MTA3: variants seen among roughly 807,000 people sequenced by gnomAD.
MTA3 encodes the protein metastasis associated 1 family member 3.
Under a neutral mutation model 83.5 loss-of-function variants are expected in MTA3, and 34 were observed. That is an observed-to-expected ratio of 0.41 (90% confidence interval 0.31 to 0.54). MTA3 has a LOEUF of 0.54. Among genes scored for constraint, MTA3 ranks in the 20% least tolerant of loss-of-function variants. MTA3 has a pLI of 0.33. For missense variants in MTA3, 761 were observed against 726.4 expected (o/e 1.05, Z -0.55); for synonymous variants, 303 against 252.7 (o/e 1.20, Z -1.89).
At chr2:42,656,061 G>T (rs75174757) in intron 6 of MTA3, 139 bp from the exon 7 acceptor site, 6 of 596,758 alleles carry the variant, frequency 1.0e-5, no homozygotes, top group South Asian at 6.7e-5. Flanking sequence ...GTACATCTAC[G>T]TCTGAAAGAA....
chr2:42,709,300 G>T, intron 14 of MTA3: 2 of 1,404,240 alleles, frequency 1.4e-6, no homozygotes, highest in South Asian at 1.6e-5. Flanking sequence ...TCAAAACATT[G>T]AAACTTCTGT....
chr2:42,683,237 A>G (rs1375076808), intron 9 of MTA3, among the ~76,000 whole-genome samples: 3 of 152,186 alleles, frequency 2.0e-5, no homozygotes, highest in East Asian at 3.8e-4. Flanking sequence ...CTCTGCTTTT[A>G]GACTAGTTGC....
intron 3 of MTA3, among the ~76,000 whole-genome samples, chr2:42,594,728 A>ATATT: frequency 5.8e-4 from 14 of 24,044 alleles, no homozygotes; most frequent in African/African-American, 1.8e-3. Flanking sequence ...ATATATATAT[A>ATATT]TTTTTTTTTT....
At chr2:42,735,920 CTCTG>C (rs1406783534) in intron 16 of MTA3, among the ~76,000 whole-genome samples, 1 of 152,168 alleles carries the variant, frequency 6.6e-6, no homozygotes, top group Non-Finnish European at 1.5e-5. Flanking sequence ...ATCTCCATCT[CTCTG>C]GGATTGGTCA....
At chr2:42,691,870 A>G (rs1349065391) in intron 9 of MTA3, among the ~76,000 whole-genome samples, 1 of 152,176 alleles carries the variant, frequency 6.6e-6, no homozygotes, top group African/African-American at 2.4e-5. Context: ...GTTTCCATTG[A>G]GAAGTCTGCT....
chr2:42,697,908 A>C, intron 11 of MTA3, 74 bp downstream of exon 11: 3 of 1,122,414 alleles, frequency 2.7e-6, no homozygotes, highest in Non-Finnish European at 3.7e-6. Flanking sequence ...CATTTTGTTC[A>C]GTTTCAGCAA....
chr2:42,610,079 G>T (rs2104088784), intron 4 of MTA3, among the ~76,000 whole-genome samples: 1 of 152,236 alleles, frequency 6.6e-6, no homozygotes, highest in South Asian at 2.1e-4. Flanking sequence ...CAGCCTGGAT[G>T]ACAGAGTGAC....
chr2:42,532,117 T>G (rs140584885), intron 2 of MTA3, among the ~76,000 whole-genome samples: 4 of 152,338 alleles, frequency 2.6e-5, no homozygotes, highest in African/African-American at 9.6e-5. Flanking sequence ...TTAGCCATAA[T>G]CCAATAGATA....
intron 13 of MTA3, among the ~76,000 whole-genome samples, chr2:42,708,500 A>G (rs1666303082): frequency 6.6e-6 from 1 of 152,196 alleles, no homozygotes; most frequent in Non-Finnish European, 1.5e-5. Context: ...AAATCCTCAT[A>G]GGCTGAAGAT....
intron 2 of MTA3, among the ~76,000 whole-genome samples, chr2:42,503,355 A>T (rs1318663768): frequency 6.6e-6 from 1 of 152,062 alleles, no homozygotes; most frequent in Non-Finnish European, 1.5e-5. Context: ...TTTTGGTGGG[A>T]TTTGGCCAGC....
chr2:42,574,312 A>AGATGGG (rs1678809411), intron 2 of MTA3, among the ~76,000 whole-genome samples: 1 of 150,280 alleles, frequency 6.7e-6, no homozygotes, highest in Non-Finnish European at 1.5e-5. Context: ...TTTTTAGCAG[A>AGATGGG]GATGGGGTTT....
chr2:42,598,129 G>T (rs1392893888), intron 3 of MTA3, among the ~76,000 whole-genome samples: 1 of 151,928 alleles, frequency 6.6e-6, no homozygotes, highest in African/African-American at 2.4e-5. Context: ...CCGGAGTGCA[G>T]TGGCATGATC....
In MTA3 at chr2:42,644,131, C is replaced by G; in HGVS notation, c.386C>G (p.Thr129Ser). Reference sequence around the variant, plus strand: ...GTATTTTGTCATATTTTTCAGGATACCTTCTTCTACTCATTGGTCTATGAC... The same window carrying G: ...GTATTTTGTCATATTTTTCAGGATAGCTTCTTCTACTCATTGGTCTATGAC... The part of the protein sequence containing the change: ...SVLSYLDKED[T>S]FFYSLVYDPS... The change falls in exon 6 of 17, where the codon ACC becomes AGC. Residue 129 changes from threonine to serine, a missense_variant. By Grantham distance (58) the Thr-to-Ser change is moderately conservative. Coordinates refer to ENST00000405094, the MANE Select transcript of MTA3 (RefSeq NM_001330442.2). 6.3e-7 allele frequency: 1 copy of G among 1,586,144 alleles called. No individual in the cohort carries two copies. Among genetic ancestry groups the G allele is most frequent in the Non-Finnish European group, 8.6e-7 (1 of 1,165,412 alleles).
At chr2:42,705,881 A>G (rs980112898) in intron 12 of MTA3, among the ~76,000 whole-genome samples, 8 of 152,228 alleles carry the variant, frequency 5.3e-5, no homozygotes, top group African/African-American at 1.9e-4. Context: ...TTATCTTAAT[A>G]TAAGATTTAT....
intron 2 of MTA3, among the ~76,000 whole-genome samples, chr2:42,525,633 T>TCCTG: frequency 6.9e-6 from 1 of 145,228 alleles, no homozygotes; most frequent in Non-Finnish European, 1.5e-5. Context: ...CTACTTTCTT[T>TCCTG]CTTTCTTTCT....
intron 2 of MTA3, among the ~76,000 whole-genome samples, chr2:42,516,180 G>A (rs1675137609): frequency 6.6e-6 from 1 of 152,112 alleles, no homozygotes; most frequent in African/African-American, 2.4e-5. Context: ...GCCTCCCAAA[G>A]TGCTGGGATC....
At position 42,753,393 on chromosome 2, in the gene MTA3, A is replaced by G. The variant is rs1180790866; in HGVS notation, c.1779A>G (p.Ser593=). The G allele has an allele frequency of 1.3e-6, 2 of 1,550,540 alleles. No homozygotes were observed. Among genetic ancestry groups the G allele is most frequent in the African/African-American group, 2.7e-5 (2 of 73,068 alleles). The change falls in exon 17 of 17, where the codon TCA becomes TCG. Residue 593 remains serine, a synonymous_variant. Transcript: ENST00000405094. ...NGLDELTCCV[S]D ...TTCTAGAACTCACGTGCTGTGTGTC[A>G]GACTGAGCTTTCCCTGATTCATTCT...
In MTA3 at chr2:42,595,571, A is replaced by T. The variant is rs193084566; in HGVS notation, c.191-13887A>T. ...TAAAGGAAGTAAAGCAGATATTCCT[A>T]ATTGTAAACTGACGTGTTTAACCTT... On this transcript the variant is annotated intron_variant, in intron 3 of 16. Transcript: ENST00000405094. 3.2e-3 allele frequency among the ~76,000 whole-genome samples: 486 copies of T among 152,240 alleles called. 4 individuals are homozygous for T. The Middle Eastern group carries it at 0.041, about 13-fold the overall frequency.
At chr2:42,568,921 G>T in intron 1 of MTA3, 148 bp downstream of exon 1, 2 of 795,736 alleles carry the variant, frequency 2.5e-6, no homozygotes, top group South Asian at 6.1e-5. Flanking sequence ...GAGGGGCCGG[G>T]ACTCCCCACC....
Sources: allele counts gnomAD v4.1 joint callset (sites outside exome capture counted in the v4.1 genomes callset), GRCh38; gene constraint gnomAD v4.1.1; transcripts MANE v1.5; gene names NCBI Gene and HGNC (gene_info 2026-07-23, HGNC 2026-07-21).